Variants in GPAT3 observed in about 807,000 individuals in gnomAD.
The protein encoded by GPAT3 is 1-AGP acyltransferase 9.
In GPAT3, 53 loss-of-function variants were observed where a neutral mutation model predicts 58.8. The ratio of observed to expected loss-of-function variants is 0.90; its 90% confidence interval spans 0.72 to 1.13. The LOEUF (loss-of-function observed/expected upper bound fraction) is 1.13, where lower values mean the gene tolerates loss of function less well. Ranked by LOEUF, GPAT3 falls within the 50% of genes most tolerant of loss-of-function variation. The pLI is 0.00. For missense variants in GPAT3, 511 were observed against 527.6 expected (o/e 0.97, Z 0.31); for synonymous variants, 197 against 187.4 (o/e 1.05, Z -0.42).
At position 83,557,332 on chromosome 4, in the gene GPAT3, A is replaced by G. The variant is rs116273383; in HGVS notation, c.208+12730A>G. Among the ~76,000 whole-genome samples the G allele has an allele frequency of 7.2e-3, 1,101 of 152,280 alleles. 11 individuals are homozygous for G. The highest frequency in any genetic ancestry group is 0.025 in the African/African-American group (1,047 of 41,534). On this transcript the variant is annotated intron_variant, in intron 2 of 11. Transcript: ENST00000264409. ...AGCTTTTGATTCTATTCTAATCCCA[A>G]ATAACAGGGTCAGCAAATCCATTCT...
chr4:83,598,720 C>T lies in GPAT3; in HGVS notation c.1202C>T (p.Pro401Leu). ...IAIQGGLTELPWDGGLKRAKV... is the reference protein window; with the variant it reads ...IAIQGGLTELLWDGGLKRAKV... ...ATACAAGGAGGCCTGACTGAACTTC[C>T]CTGGTAAGAGAACTTTCAGAAGTAC... The change falls in exon 11 of 12, where the codon CCC becomes CTC. Residue 401 changes from proline (P) to leucine (L), a missense_variant. Transcript: ENST00000264409. The T allele has an allele frequency of 1.7e-6, 2 of 1,211,512 alleles. No homozygotes were observed. The highest frequency in any genetic ancestry group is 2.6e-5 in the South Asian group (2 of 77,746). 75.0% of individuals were successfully genotyped at this position (1,211,512 alleles called of 1,614,324 possible).
intron 11 of GPAT3, among the ~76,000 whole-genome samples, chr4:83,600,782 G>A (rs1209554485): frequency 2.0e-5 from 3 of 152,130 alleles, no homozygotes; most frequent in South Asian, 2.1e-4. Context: ...GATTACAGAC[G>A]TGAGCCACCG....
At chr4:83,559,728 G>A (rs1358404655) in intron 2 of GPAT3, among the ~76,000 whole-genome samples, 1 of 152,136 alleles carries the variant, frequency 6.6e-6, no homozygotes, top group Non-Finnish European at 1.5e-5. Context: ...TTTGGTAATG[G>A]AATTTCCCAT....
At chr4:83,594,727 A>C (rs2110107471) in intron 6 of GPAT3, 118 bp from the exon 7 acceptor site, 1 of 776,448 alleles carries the variant, frequency 1.3e-6, no homozygotes. Flanking sequence ...TAAGAACTTC[A>C]GTCAGTAGAA....
Position 83,544,588 on chromosome 4 carries a change from ACT to A in GPAT3, c.197_198del (p.Ser66CysfsTer10), listed in dbSNP as rs1364857081. 10 of 1,613,082 alleles carry A rather than the reference ACT, an allele frequency of 6.2e-6. No homozygotes were observed. Among genetic ancestry groups the A allele is most frequent in the Non-Finnish European group, 8.5e-6 (10 of 1,179,790 alleles). ...ACCCCAAAGGAGTCGATTCTTAAAA[ACT>A]CTGCTTCTGTTGGTGAGTTTTCCTT... is the stretch of plus-strand genomic sequence containing the variant. On this transcript the variant is annotated frameshift_variant, in exon 2 of 12. Coordinates refer to ENST00000264409, the MANE Select transcript of GPAT3 (RefSeq NM_032717.5). LOFTEE classifies it high-confidence loss of function.
At chr4:83,550,050 G>A (rs1484318583) in intron 2 of GPAT3, among the ~76,000 whole-genome samples, 2 of 151,814 alleles carry the variant, frequency 1.3e-5, no homozygotes, top group Non-Finnish European at 2.9e-5. Flanking sequence ...ATAGAGATGA[G>A]GTCTCACTAT....
At chr4:83,545,301 T>C (rs552729917) in intron 2 of GPAT3, among the ~76,000 whole-genome samples, 5 of 152,006 alleles carry the variant, frequency 3.3e-5, no homozygotes, top group Admixed American at 2.6e-4. Flanking sequence ...ATTAGCTGAG[T>C]GTGGTGGTGC....
At chr4:83,591,773 C>G (rs1726610849) in intron 6 of GPAT3, among the ~76,000 whole-genome samples, 1 of 152,144 alleles carries the variant, frequency 6.6e-6, no homozygotes, top group African/African-American at 2.4e-5. Flanking sequence ...GATGAGGAAG[C>G]AGAGGCTTAG....
chr4:83,570,333 A>G (rs945113738), intron 2 of GPAT3, among the ~76,000 whole-genome samples: 36 of 152,296 alleles, frequency 2.4e-4, no homozygotes, highest in African/African-American at 8.4e-4. Flanking sequence ...AGGGTTTTAT[A>G]TACAGCCTGG....
chr4:83,597,541 A>T, intron 9 of GPAT3, 26 bp downstream of exon 9: 2 of 1,349,208 alleles, frequency 1.5e-6, no homozygotes, highest in Non-Finnish European at 2.0e-6. Flanking sequence ...TAATAAGAAT[A>T]ATAATTATTA....
At chr4:83,547,296 A>T (rs1473492719) in intron 2 of GPAT3, among the ~76,000 whole-genome samples, 4 of 119,894 alleles carry the variant, frequency 3.3e-5, no homozygotes, top group African/African-American at 1.4e-4. Context: ...TCTGTCACCC[A>T]GGCTGGAGTG....
At position 83,578,990 on chromosome 4, in the gene GPAT3, TTCC is replaced by T. The variant is rs1560620764; in HGVS notation, c.209-2570_209-2568del. On this transcript the variant is annotated intron_variant, in intron 2 of 11. Coordinates refer to ENST00000264409, the MANE Select transcript of GPAT3 (RefSeq NM_032717.5). ...TTTCTTTCTTTCTTTCTTTCTTTCC[TTCC>T]TTCCTTCCTTCCTTCCTTCTTTCCC... Among the ~76,000 whole-genome samples, 590 of 132,420 alleles carry T rather than the reference TTCC, an allele frequency of 4.5e-3. 51 individuals are homozygous for T. Among genetic ancestry groups the T allele is most frequent in the African/African-American group, 0.018 (556 of 30,850 alleles). 86.9% of individuals were successfully genotyped at this position (132,420 alleles called of 152,430 possible).
intron 5 of GPAT3, among the ~76,000 whole-genome samples, 184 bp from the exon 6 acceptor site, chr4:83,590,015 C>T (rs1043692416): frequency 6.6e-6 from 1 of 152,020 alleles, no homozygotes; most frequent in African/African-American, 2.4e-5. Flanking sequence ...TTGCTTGAAC[C>T]CCTGGAGGTG....
In GPAT3 at chr4:83,581,726, A is replaced by G; in HGVS notation, c.373A>G (p.Asn125Asp). Reference sequence around the variant, plus strand: ...TTCCTCAGAGGAGCTAGTGTCATGGAATCTCCTCACAAGAACCAATGTAAA... The same window carrying G: ...TTCCTCAGAGGAGCTAGTGTCATGGGATCTCCTCACAAGAACCAATGTAAA... The part of the protein sequence containing the change: ...RFSSEELVSW[N>D]LLTRTNVNFQ... The change falls in exon 3 of 12, where the codon AAT (asparagine) becomes GAT (aspartate). Residue 125 changes from asparagine (N) to aspartate (D), a missense_variant. Transcript: ENST00000264409. The G allele has an allele frequency of 6.2e-7, 1 of 1,614,178 alleles. No individual in the cohort carries two copies. The highest frequency in any genetic ancestry group is 8.5e-7 in the Non-Finnish European group (1 of 1,180,026).
At chr4:83,538,474 G>A (rs1429975935) in intron 1 of GPAT3, among the ~76,000 whole-genome samples, 1 of 152,180 alleles carries the variant, frequency 6.6e-6, no homozygotes, top group Non-Finnish European at 1.5e-5. Context: ...TCTTCAGCTG[G>A]TGTTCCCTCT....
chr4:83,536,696 C>T lies in GPAT3; in HGVS notation c.74C>T (p.Pro25Leu), dbSNP rs1215812598. 1.9e-6 allele frequency: 3 copies of T among 1,613,722 alleles called. No homozygotes were observed. The highest frequency in any genetic ancestry group is 2.2e-5 in the South Asian group (2 of 91,032). The change falls in exon 1 of 12, where the codon CCT becomes CTT. Residue 25 changes from proline (P) to leucine (L), a missense_variant. By Grantham distance (98) the Pro-to-Leu change is moderately conservative. Transcript: ENST00000264409. ...CTGGTTCTCGGCTTCATCCTTTTAC[C>T]TTCGGTCTTCGGAGTGTCTCTGGGC... ...LTLVLGFILL[P>L]SVFGVSLGIS...
intron 2 of GPAT3, among the ~76,000 whole-genome samples, chr4:83,569,737 T>TTTTG (rs764347028): frequency 1.3e-5 from 2 of 152,014 alleles, no homozygotes; most frequent in African/African-American, 2.4e-5. Context: ...CAGGGCATGG[T>TTTTG]TTTGTTTGTT....
intron 2 of GPAT3, among the ~76,000 whole-genome samples, chr4:83,555,359 T>C (rs935574155): frequency 1.3e-5 from 2 of 152,152 alleles, no homozygotes; most frequent in African/African-American, 2.4e-5. Context: ...CTCCCCTCCA[T>C]ATTGCTCCCC....
intron 2 of GPAT3, among the ~76,000 whole-genome samples, chr4:83,550,036 TTAAA>T (rs1022555916): frequency 6.6e-6 from 1 of 151,976 alleles, no homozygotes; most frequent in Non-Finnish European, 1.5e-5. Context: ...TTTTTAATTT[TTAAA>T]TAGAGATGAG....
Sources: gnomAD v4.1 joint callset for allele counts (sites outside exome capture counted in the v4.1 genomes callset) on GRCh38, gnomAD v4.1.1 for gene constraint, MANE v1.5 for transcripts, NCBI Gene and HGNC (gene_info 2026-07-23, HGNC 2026-07-21) for gene names.